STRN: variants seen among roughly 807,000 people sequenced by gnomAD.
STRN encodes striatin.
A neutral mutation model predicts 96.3 loss-of-function variants in STRN; 53 were observed. That is an observed-to-expected ratio of 0.55 (90% CI 0.44 to 0.69). The LOEUF (loss-of-function observed/expected upper bound fraction) is 0.69, where lower values mean the gene tolerates loss of function less well. Ranked by LOEUF, STRN falls within the 30% of genes least tolerant of loss-of-function variation. The pLI is 0.00. For synonymous variants in STRN, 428 were observed against 355.9 expected (o/e 1.20, Z -2.28); for missense variants, 987 against 963.9 (o/e 1.02, Z -0.32).
chr2:36,936,333 T>C (rs1203170439), intron 1 of STRN, among the ~76,000 whole-genome samples: 2 of 152,198 alleles, frequency 1.3e-5, no homozygotes, highest in African/African-American at 4.8e-5. Flanking sequence ...TTGGTTTTAT[T>C]TTCTTCTACC....
Position 36,849,200 on chromosome 2 carries a change from A to C in STRN, c.*256T>G. ...CCTAGCGAATTAGAACCACCTCAGA[A>C]ATAAAGGCGCCTATTGGGGAGAAAT... On this transcript the variant is annotated 3_prime_UTR_variant, in exon 18 of 18. Coordinates refer to ENST00000263918, the MANE Select transcript of STRN (RefSeq NM_003162.4). 1 of 430,286 alleles carries C rather than the reference A, an allele frequency of 2.3e-6. No homozygotes were observed. The highest frequency in any genetic ancestry group is 4.2e-6 in the Non-Finnish European group (1 of 240,954). 26.7% of individuals were successfully genotyped at this position (430,286 alleles called of 1,614,324 possible).
At chr2:36,849,676 G>C (rs974740998) in intron 17 of STRN, 38 bp downstream of exon 17, 18 of 1,613,184 alleles carry the variant, frequency 1.1e-5, no homozygotes, top group Non-Finnish European at 1.5e-5. Flanking sequence ...CATGAAAATG[G>C]TAAGGACAAA....
In STRN at chr2:36,842,048, T is replaced by A. The variant is rs1167079620; in HGVS notation, c.*7408A>T. 6.6e-6 allele frequency: 1 copy of A among 152,236 alleles called. No individual in the cohort carries two copies. The highest frequency in any genetic ancestry group is 2.4e-5 in the African/African-American group (1 of 41,456). 9.4% of individuals were successfully genotyped at this position (152,236 alleles called of 1,614,324 possible). ...ACTTTTGCTCTAAGTTAATTTTGTT[T>A]ATGCATGAAAAATTATTGTCTTGGT... On this transcript the variant is annotated 3_prime_UTR_variant, in exon 18 of 18. Transcript: ENST00000263918.
chr2:36,866,890 A>G (rs949699021), intron 12 of STRN, among the ~76,000 whole-genome samples: 4 of 152,100 alleles, frequency 2.6e-5, no homozygotes, highest in Admixed American at 2.0e-4. Context: ...ATTGTTCTTC[A>G]TCCCTTTTCT....
At chr2:36,889,406 A>C (rs1262407363) in intron 7 of STRN, among the ~76,000 whole-genome samples, 1 of 152,120 alleles carries the variant, frequency 6.6e-6, no homozygotes, top group Non-Finnish European at 1.5e-5. Flanking sequence ...AACAATTAAA[A>C]ATGTTAATTT....
chr2:36,902,087 A>G (rs1197551355), intron 5 of STRN, among the ~76,000 whole-genome samples: 1 of 152,222 alleles, frequency 6.6e-6, no homozygotes, highest in Non-Finnish European at 1.5e-5. Flanking sequence ...GGAAAACAAA[A>G]TATTTCAAAT....
At chr2:36,849,920 G>A (rs766562276) in intron 16 of STRN, 120 bp from the exon 17 acceptor site, 1 of 924,326 alleles carries the variant, frequency 1.1e-6, no homozygotes, top group South Asian at 1.5e-5. Context: ...TGTATTAATA[G>A]CTTTTTCCAT....
In STRN at chr2:36,847,564, T is replaced by C. The variant is rs369490521; in HGVS notation, c.*1892A>G. 6 of 152,302 alleles carry C rather than the reference T, an allele frequency of 3.9e-5. No homozygotes were observed. Among genetic ancestry groups the C allele is most frequent in the African/African-American group, 1.4e-4 (6 of 41,570 alleles). The allele number at this position is 152,302 out of a possible 1,614,324, so 9.4% of individuals were successfully genotyped here. On this transcript the variant is annotated 3_prime_UTR_variant, in exon 18 of 18. Coordinates refer to ENST00000263918, the MANE Select transcript of STRN (RefSeq NM_003162.4). ...TCATGTTTAGGTCAATTCATTTAAT[T>C]ACACAAAGCAGTCTCTTGAGCCTGC...
At chr2:36,922,256 C>T (rs536853447) in intron 2 of STRN, among the ~76,000 whole-genome samples, 49 of 152,194 alleles carry the variant, frequency 3.2e-4, no homozygotes, top group African/African-American at 1.2e-3. Context: ...TGGTGACTCA[C>T]GCCTATAATC....
At chr2:36,856,564 G>T (rs1411001481) in intron 14 of STRN, among the ~76,000 whole-genome samples, 5 of 152,110 alleles carry the variant, frequency 3.3e-5, no homozygotes, top group Non-Finnish European at 5.9e-5. Context: ...TTTACATGAC[G>T]TTTGAGTAGA....
In STRN at chr2:36,867,933, T is replaced by C. The variant is rs570044545; in HGVS notation, c.1500-72A>G. 2.2e-5 allele frequency: 28 copies of C among 1,261,024 alleles called. No individual in the cohort carries two copies. In the Middle Eastern group the frequency reaches 7.9e-4, roughly 35 times the overall value. 78.1% of individuals were successfully genotyped at this position (1,261,024 alleles called of 1,614,324 possible). On this transcript the variant is annotated intron_variant, in intron 11 of 17. Transcript: ENST00000263918. ...GTATAATTAAACATATGTCATAAAA[T>C]TGTCTTTAAAAATACAAACATTATG...
chr2:36,856,143 A>G (rs916926605), intron 14 of STRN, among the ~76,000 whole-genome samples: 3 of 152,246 alleles, frequency 2.0e-5, no homozygotes, highest in African/African-American at 4.8e-5. Context: ...CAGAATGGCT[A>G]AAGTTAAACA....
Position 36,966,489 on chromosome 2 carries a change from G to C in STRN, c.-26C>G. The C allele has an allele frequency of 7.1e-7, 1 of 1,400,352 alleles. No individual in the cohort carries two copies. The highest frequency in any genetic ancestry group is 1.5e-5 in the South Asian group (1 of 65,474). The allele number at this position is 1,400,352 out of a possible 1,614,324, so 86.7% of individuals were successfully genotyped here. A position where few individuals can be genotyped will look rare whatever the true frequency, so the allele number is the denominator to read the frequency against. On this transcript the variant is annotated 5_prime_UTR_variant, in exon 1 of 18. Coordinates refer to ENST00000263918, the MANE Select transcript of STRN (RefSeq NM_003162.4). ...GGCGGCCGCAGATACCCGGGGAGCT[G>C]CCCCGGCGCCCAGCAGCGGAGGCAA...
At chr2:36,861,055 T>G (rs936719520) in intron 13 of STRN, 77 bp downstream of exon 13, 3 of 1,533,104 alleles carry the variant, frequency 2.0e-6, no homozygotes, top group East Asian at 2.3e-5. Flanking sequence ...TCTCTTTATC[T>G]CTTCCTTTTA....
intron 2 of STRN, among the ~76,000 whole-genome samples, chr2:36,918,680 G>T (rs1302364815): frequency 6.6e-6 from 1 of 152,068 alleles, no homozygotes; most frequent in African/African-American, 2.4e-5. Context: ...CACAAGCTAT[G>T]GTCCCTTAAA....
chr2:36,849,484 G>C lies in STRN; in HGVS notation c.2315C>G (p.Ala772Gly). Residue 772 changes from alanine (A) to glycine (G), a missense_variant, in exon 18 of 18, where the codon GCT becomes GGT. By Grantham distance (60) the Ala-to-Gly change is moderately conservative. Coordinates refer to ENST00000263918, the MANE Select transcript of STRN (RefSeq NM_003162.4). ...PSKCYIASAG[A>G]DALAKVFV ...TACAAAGACTTTAGCCAGTGCGTCA[G>C]CTCCAGCACTGGCTATATAGCATTT... The C allele has an allele frequency of 1.2e-6, 2 of 1,614,100 alleles. No individual in the cohort carries two copies. The highest frequency in any genetic ancestry group is 1.7e-6 in the Non-Finnish European group (2 of 1,179,996).
At chr2:36,908,880 C>CT (rs1669891964) in intron 3 of STRN, among the ~76,000 whole-genome samples, 1 of 152,030 alleles carries the variant, frequency 6.6e-6, no homozygotes, top group African/African-American at 2.4e-5. Context: ...ACTCAGGAGG[C>CT]TGAGGCAGGA....
intron 16 of STRN, 92 bp downstream of exon 16, chr2:36,850,908 C>G (rs1228367907): frequency 1.0e-6 from 1 of 968,774 alleles, no homozygotes; most frequent in Non-Finnish European, 1.5e-6. Context: ...TCCCTGACTA[C>G]GAAACCACCA....
chr2:36,904,567 C>T (rs1669768710), intron 4 of STRN, among the ~76,000 whole-genome samples: 2 of 152,174 alleles, frequency 1.3e-5, no homozygotes, highest in South Asian at 4.1e-4. Context: ...TGGCTCACAC[C>T]TGTAATCCCA....
Sources: gnomAD v4.1 joint callset for allele counts (sites outside exome capture counted in the v4.1 genomes callset) on GRCh38, gnomAD v4.1.1 for gene constraint, MANE v1.5 for transcripts, NCBI Gene and HGNC (gene_info 2026-07-23, HGNC 2026-07-21) for gene names.